DIPK1B: variants seen among roughly 807,000 people sequenced by gnomAD.
DIPK1B encodes the protein family with sequence similarity 69 member B.
Under a neutral mutation model 20.7 loss-of-function variants are expected in DIPK1B, and 17 were observed. The ratio of observed to expected loss-of-function variants is 0.82; its 90% CI spans 0.56 to 1.23. DIPK1B has a LOEUF of 1.23. DIPK1B is among the 50% of genes most tolerant of loss of function. The pLI, the probability that DIPK1B is intolerant of heterozygous loss-of-function variation, is 0.00. For missense variants in DIPK1B, 648 were observed against 601.8 expected, an observed-to-expected ratio of 1.08 and a Z score of -0.80; for synonymous variants, 343 against 276.5, an observed-to-expected ratio of 1.24 and a Z score of -2.39.
At chr9:136,717,088 T>G (rs985630613) in intron 1 of DIPK1B, among the ~76,000 whole-genome samples, 2 of 151,744 alleles carry the variant, frequency 1.3e-5, no homozygotes, top group Non-Finnish European at 2.9e-5. Context: ...AATTAGCTGG[T>G]CGTGGTGGTG....
Position 136,723,409 on chromosome 9 carries a change from T to C in DIPK1B, c.931T>C (p.Phe311Leu). 6.2e-7 allele frequency: 1 copy of C among 1,612,794 alleles called. No homozygotes were observed. The highest frequency in any genetic ancestry group is 1.1e-5 in the South Asian group (1 of 91,076). The change falls in exon 5 of 5, where the codon TTC (phenylalanine) becomes CTC (leucine). Residue 311 changes from phenylalanine (F) to leucine (L), a missense_variant. By Grantham distance (22) the Phe-to-Leu change is conservative. Coordinates refer to ENST00000371692, the MANE Select transcript of DIPK1B (RefSeq NM_152421.4). The part of the protein sequence containing the change: ...ANVGYTATYD[F>L]KMADLQQVAP... ...CGTGGGCTACACAGCCACCTACGAC[T>C]TCAAGATGGCCGACCTGCAGCAGGT...
Position 136,717,623 on chromosome 9 carries a change from T to C in DIPK1B, c.110T>C (p.Leu37Pro). Reference sequence around the variant, plus strand: ...GTCCGCTGCATCTTCCTGGCCTGGCTGGGCGTCTTTGCAGGCAGCTGGCTG... The same window carrying C: ...GTCCGCTGCATCTTCCTGGCCTGGCCGGGCGTCTTTGCAGGCAGCTGGCTG... ...LRVRCIFLAW[L>P]GVFAGSWLVY... Residue 37 changes from leucine (L) to proline (P), a missense_variant, in exon 2 of 5, where the codon CTG (leucine) becomes CCG (proline). Transcript: ENST00000371692. 1 of 1,604,966 alleles carries C rather than the reference T, an allele frequency of 6.2e-7. No individual in the cohort carries two copies. Among genetic ancestry groups the C allele is most frequent in the African/African-American group, 1.3e-5 (1 of 75,066 alleles).
chr9:136,716,059 G>C (rs1412517756), intron 1 of DIPK1B, among the ~76,000 whole-genome samples: 2 of 152,050 alleles, frequency 1.3e-5, no homozygotes, highest in East Asian at 3.9e-4. Context: ...TGCAGGATTT[G>C]TGCTTTGGTG....
At chr9:136,721,729 C>T in intron 2 of DIPK1B, 192 bp from the exon 3 acceptor site, 1 of 592,394 alleles carries the variant, frequency 1.7e-6, no homozygotes, top group Middle Eastern at 4.6e-4. Context: ...CGGGGCTGCC[C>T]CTGCAGCCGA....
At position 136,712,908 on chromosome 9, in the gene DIPK1B, G is replaced by A. The variant is rs1040387353; in HGVS notation, c.63+180G>A. ...CGGAAGGACGGGACGCTGGGGGAGG[G>A]GCGGTGGCGGCGACAGGAGGGTCCG... On this transcript the variant is annotated intron_variant, in intron 1 of 4. Transcript: ENST00000371692. The surrounding 1 kb of genome is among the most constrained non-coding windows in gnomAD (Gnocchi z 5.6). 6.6e-6 allele frequency among the ~76,000 whole-genome samples: 1 copy of A among 152,156 alleles called. No homozygotes were observed. Among genetic ancestry groups the A allele is most frequent in the Non-Finnish European group, 1.5e-5 (1 of 67,988 alleles).
At chr9:136,720,898 C>T (rs1395349621) in intron 2 of DIPK1B, 1 of 152,246 alleles carries the variant, frequency 6.6e-6, no homozygotes, top group Non-Finnish European at 1.5e-5. Flanking sequence ...CGCAGCCTGT[C>T]CTCCTGCCTC....
Position 136,724,065 on chromosome 9 carries a change from C to A in DIPK1B, c.*291C>A. ...CCCAGGGCTGAGCACCCTGAGCCCC[C>A]ATCGATGCTGTGTGTGGGACCCTTC... On this transcript the variant is annotated 3_prime_UTR_variant, in exon 5 of 5. Coordinates refer to ENST00000371692, the MANE Select transcript of DIPK1B (RefSeq NM_152421.4). 2.4e-6 allele frequency: 1 copy of A among 417,934 alleles called. No individual in the cohort carries two copies. 25.9% of individuals were successfully genotyped at this position (417,934 alleles called of 1,614,324 possible).
chr9:136,716,924 G>T (rs1424175626), intron 1 of DIPK1B, among the ~76,000 whole-genome samples: 1 of 152,072 alleles, frequency 6.6e-6, no homozygotes, highest in Non-Finnish European at 1.5e-5. Flanking sequence ...GGATAGGAAG[G>T]GTTTGTAAAA....
chr9:136,719,888 G>A (rs1378989374), intron 2 of DIPK1B, among the ~76,000 whole-genome samples: 2 of 150,890 alleles, frequency 1.3e-5, no homozygotes, highest in East Asian at 3.9e-4. Context: ...CGGGCGCAGG[G>A]GCTGTGTGAT....
rs1168534982 is a variant in DIPK1B at position 136,717,730 on chromosome 9, G to A, written c.198+19G>A. On this transcript the variant is annotated intron_variant, in intron 2 of 4. Transcript: ENST00000371692. Reference sequence around the variant, plus strand: ...GGTCATTGTAAGTGTTGCTTGTGCGGGCTGGGGACTGGGCCGTGCCCCCTG... The same window carrying A: ...GGTCATTGTAAGTGTTGCTTGTGCGAGCTGGGGACTGGGCCGTGCCCCCTG... 1.9e-6 allele frequency: 3 copies of A among 1,610,364 alleles called. No individual in the cohort carries two copies. The Admixed American group carries it at 5.0e-5, about 27-fold the overall frequency.
Position 136,723,596 on chromosome 9 carries a change from T to C in DIPK1B, c.1118T>C (p.Leu373Pro). 1 of 1,592,852 alleles carries C rather than the reference T, an allele frequency of 6.3e-7. No homozygotes were observed. Among genetic ancestry groups the C allele is most frequent in the Non-Finnish European group, 8.5e-7 (1 of 1,170,628 alleles). Residue 373 changes from leucine to proline, a missense_variant, in exon 5 of 5, where the codon CTA (leucine) becomes CCA (proline). By Grantham distance (98) the Leu-to-Pro change is moderately conservative. Transcript: ENST00000371692. ...AACCTGGCCAAGGTGTGCGCACTGC[T>C]ACGGGGCTACCTGCTGCCTGGCGCG... is the stretch of plus-strand genomic sequence containing the variant. ...QPNLAKVCAL[L>P]RGYLLPGAPA...
chr9:136,712,651 C>G lies in DIPK1B; in HGVS notation c.-15C>G. 8.2e-7 allele frequency: 1 copy of G among 1,225,282 alleles called. No individual in the cohort carries two copies. The highest frequency in any genetic ancestry group is 1.0e-6 in the Non-Finnish European group (1 of 981,580). The allele number at this position is 1,225,282 out of a possible 1,614,324, so 75.9% of individuals were successfully genotyped here. A position where few individuals can be genotyped will look rare whatever the true frequency, so the allele number is the denominator to read the frequency against. Reference sequence around the variant, plus strand: ...GCGAGCCGCGGGGCCCGCGCAGCCCCGGCCGGAGCCCACCATGCGGCGGCT... The same window carrying G: ...GCGAGCCGCGGGGCCCGCGCAGCCCGGGCCGGAGCCCACCATGCGGCGGCT... On this transcript the variant is annotated 5_prime_UTR_variant, in exon 1 of 5. Transcript: ENST00000371692. This position sits in a 1 kb window ranked among gnomAD's most constrained non-coding sequence, Gnocchi z 5.6.
chr9:136,722,450 A>T, intron 4 of DIPK1B, 149 bp downstream of exon 4: 1 of 964,064 alleles, frequency 1.0e-6, no homozygotes, highest in Non-Finnish European at 1.5e-6. Flanking sequence ...GCCCCTGGGC[A>T]TGAGCCCTGC....
chr9:136,712,775 A>G lies in DIPK1B; in HGVS notation c.63+47A>G. On this transcript the variant is annotated intron_variant, in intron 1 of 4. Transcript: ENST00000371692. This position sits in a 1 kb window ranked among gnomAD's most constrained non-coding sequence, Gnocchi z 5.6. ...CGCCCCCGGCCGCCTCTGCCTGGGG[A>G]GGCCGAGCTCCAGCCCCGGAGTGGG... 1.6e-6 allele frequency: 2 copies of G among 1,264,562 alleles called. No individual in the cohort carries two copies. Among genetic ancestry groups the G allele is most frequent in the South Asian group, 2.3e-5 (1 of 42,616 alleles). The allele number at this position is 1,264,562 out of a possible 1,614,324, so 78.3% of individuals were successfully genotyped here.
rs948140804 is a variant in DIPK1B, at chr9:136,723,868, G to C, written c.*94G>C. ...GGAATCCTGTCAGAAGATGTGAAATGCAACTGTGTTGCAAAATCACTCCCC... is the reference window on the plus strand; with the variant it reads ...GGAATCCTGTCAGAAGATGTGAAATCCAACTGTGTTGCAAAATCACTCCCC... On this transcript the variant is annotated 3_prime_UTR_variant, in exon 5 of 5. Coordinates refer to ENST00000371692, the MANE Select transcript of DIPK1B (RefSeq NM_152421.4). 7.6e-7 allele frequency: 1 copy of C among 1,312,742 alleles called. No homozygotes were observed. Among genetic ancestry groups the C allele is most frequent in the South Asian group, 1.4e-5 (1 of 69,658 alleles). The allele number at this position is 1,312,742 out of a possible 1,614,324, so 81.3% of individuals were successfully genotyped here.
intron 1 of DIPK1B, among the ~76,000 whole-genome samples, chr9:136,713,020 T>C (rs1273107704): frequency 6.6e-6 from 1 of 152,146 alleles, no homozygotes; most frequent in Non-Finnish European, 1.5e-5. Context: ...ACCGAAGTCC[T>C]TTCTTCTTTT....
In DIPK1B at chr9:136,722,240, A is replaced by G. The variant is rs1318390034; in HGVS notation, c.422A>G (p.Asp141Gly). ...AAPRRELVLF[D>G]KPTRGTSIKE... ...CCCCGGCGGGAGCTGGTACTGTTTG[A>G]CAAGCCCACCCGGGGCACCTCCATC... Residue 141 changes from aspartate (D) to glycine (G), a missense_variant, in exon 4 of 5, where the codon GAC becomes GGC. Coordinates refer to ENST00000371692, the MANE Select transcript of DIPK1B (RefSeq NM_152421.4). The G allele has an allele frequency of 2.5e-6, 4 of 1,613,842 alleles. No individual in the cohort carries two copies. The highest frequency in any genetic ancestry group is 3.4e-6 in the Non-Finnish European group (4 of 1,179,942).
intron 2 of DIPK1B, among the ~76,000 whole-genome samples, chr9:136,719,433 C>A (rs1170052805): frequency 6.6e-6 from 1 of 152,202 alleles, no homozygotes; most frequent in Non-Finnish European, 1.5e-5. Flanking sequence ...CTCGTGGGGG[C>A]ATTGGACGCC....
At chr9:136,719,643 C>T (rs1588283312) in intron 2 of DIPK1B, among the ~76,000 whole-genome samples, 2 of 152,224 alleles carry the variant, frequency 1.3e-5, no homozygotes, top group South Asian at 4.1e-4. Context: ...AGCACACGCC[C>T]GCCTCAGCCT....
Sources: gnomAD v4.1 joint callset for allele counts (sites outside exome capture counted in the v4.1 genomes callset) on GRCh38, gnomAD v4.1.1 for gene constraint, Gnocchi (gnomAD v3.1) non-coding constraint, MANE v1.5 for transcripts, NCBI Gene and HGNC (gene_info 2026-07-23, HGNC 2026-07-21) for gene names.